The following PIK3C2B variants were observed in gnomAD, a reference collection of about 807,000 sequenced individuals.
PIK3C2B encodes phosphatidylinositol 4-phosphate 3-kinase C2 domain-containing subunit beta.
A neutral mutation model predicts 184.3 loss-of-function variants in PIK3C2B; 83 were observed. That is an observed-to-expected ratio of 0.45 (90% CI 0.38 to 0.54). The LOEUF is 0.54. Among genes scored for constraint, PIK3C2B ranks in the 20% least tolerant of loss-of-function variants. The pLI, the probability that PIK3C2B is intolerant of heterozygous loss-of-function variation, is 0.00. For missense variants in PIK3C2B, 1,736 were observed against 2,113.5 expected (o/e 0.82, Z 3.50); for synonymous variants, 779 against 837.6 (o/e 0.93, Z 1.21).
At chr1:204,431,517 T>G (rs773165589) in intron 28 of PIK3C2B, 152 bp downstream of exon 28, 55 of 905,660 alleles carry the variant, frequency 6.1e-5, no homozygotes, top group Non-Finnish European at 8.9e-5. Flanking sequence ...GGGGGAGCAC[T>G]TGTCATCAAA....
intron 7 of PIK3C2B, 61 bp downstream of exon 7, chr1:204,460,263 T>C: frequency 7.4e-7 from 1 of 1,345,952 alleles, no homozygotes; most frequent in Non-Finnish European, 1.1e-6. Context: ...AGCAGGCACA[T>C]CTGATGGGAT....
At chr1:204,480,128 G>A (rs1022279589) in intron 1 of PIK3C2B, among the ~76,000 whole-genome samples, 7 of 152,218 alleles carry the variant, frequency 4.6e-5, no homozygotes, top group South Asian at 2.1e-4. Flanking sequence ...GATGTACGTC[G>A]GGGTAACTGC....
chr1:204,442,994 A>G (rs1348699277), intron 19 of PIK3C2B, among the ~76,000 whole-genome samples: 1 of 152,246 alleles, frequency 6.6e-6, no homozygotes, highest in African/African-American at 2.4e-5. Flanking sequence ...AATGTCGTTA[A>G]CCAGGAACAC....
Position 204,447,480 on chromosome 1 carries a change from GTCT to G in PIK3C2B, c.2442_2444del (p.Glu814del). ...GCATGATGTCTTTAAGCTTGCGCTG[GTCT>G]TCTTCCCGGAGGCTGCCAAACTCAT... On this transcript the variant is annotated inframe_deletion, in exon 15 of 33. Coordinates refer to ENST00000684373, the MANE Select transcript of PIK3C2B (RefSeq NM_001377334.1). The surrounding 1 kb of genome is among the most constrained non-coding windows in gnomAD (Gnocchi z 4.1). The G allele has an allele frequency of 6.2e-7, 1 of 1,613,640 alleles. No homozygotes were observed. Among genetic ancestry groups the G allele is most frequent in the Non-Finnish European group, 8.5e-7 (1 of 1,179,846 alleles).
At chr1:204,436,664 ATTTT>A (rs969937380) in intron 23 of PIK3C2B, among the ~76,000 whole-genome samples, 1 of 152,178 alleles carries the variant, frequency 6.6e-6, no homozygotes, top group Admixed American at 6.5e-5. Flanking sequence ...CTGTACATTT[ATTTT>A]TATTATATTC....
chr1:204,492,589 G>A (rs1365692408), intron 1 of PIK3C2B, among the ~76,000 whole-genome samples: 1 of 152,144 alleles, frequency 6.6e-6, no homozygotes, highest in African/African-American at 2.4e-5. Flanking sequence ...AGGCCCACGA[G>A]GGTATAGAGT....
intron 8 of PIK3C2B, among the ~76,000 whole-genome samples, chr1:204,458,320 C>T (rs1655037766): frequency 6.6e-6 from 1 of 152,144 alleles, no homozygotes; most frequent in South Asian, 2.1e-4. Flanking sequence ...ATTTAAATCA[C>T]AGAGCAGCTA....
chr1:204,469,631 T>A lies in PIK3C2B; in HGVS notation c.172A>T (p.Ile58Phe). 3 of 1,611,416 alleles carry A rather than the reference T, an allele frequency of 1.9e-6. No individual in the cohort carries two copies. Among genetic ancestry groups the A allele is most frequent in the Non-Finnish European group, 2.5e-6 (3 of 1,178,228 alleles). The change falls in exon 2 of 33, where the codon ATC (isoleucine) becomes TTC (phenylalanine). Residue 58 changes from isoleucine (I) to phenylalanine (F), a missense_variant. Coordinates refer to ENST00000684373, the MANE Select transcript of PIK3C2B (RefSeq NM_001377334.1). ...TCTACCCCAGGCTCATCCCAGCTGA[T>A]GAGAGAGGGGTCTGCGTTCTGCTTG... ...RAKQNADPSL[I>F]SWDEPGVDFY... is the part of the protein sequence containing the mutation.
chr1:204,492,484 A>G (rs562805927), intron 1 of PIK3C2B, among the ~76,000 whole-genome samples: 4 of 152,316 alleles, frequency 2.6e-5, no homozygotes, highest in South Asian at 4.1e-4. Context: ...CCACTGGTCC[A>G]GGCCAGGGCC....
chr1:204,460,232 C>T, intron 7 of PIK3C2B, 92 bp downstream of exon 7: 1 of 1,059,418 alleles, frequency 9.4e-7, no homozygotes, highest in African/African-American at 1.6e-5. Context: ...GCAAGAATCC[C>T]TTAGCCCTGA....
chr1:204,429,853 T>C, intron 29 of PIK3C2B, 68 bp downstream of exon 29: 1 of 1,038,286 alleles, frequency 9.6e-7, no homozygotes, highest in Non-Finnish European at 1.5e-6. Context: ...CTCCGGATGC[T>C]TCCACCTCTG....
chr1:204,440,162 C>G (rs760750075), intron 22 of PIK3C2B, 30 bp downstream of exon 22: 1 of 1,598,894 alleles, frequency 6.3e-7, no homozygotes, highest in Non-Finnish European at 8.5e-7. Flanking sequence ...GCGGTCCCCT[C>G]CTCCACCCTC....
rs370716216 is a variant in PIK3C2B, at chr1:204,438,920, C to T, written c.3516+15G>A. On this transcript the variant is annotated intron_variant, in intron 23 of 32. Coordinates refer to ENST00000684373, the MANE Select transcript of PIK3C2B (RefSeq NM_001377334.1). ...ACACACACACACCAGACGCACTCCCCACCCACAACCCTACCTTCTCATACT... is the reference window on the plus strand; with the variant it reads ...ACACACACACACCAGACGCACTCCCTACCCACAACCCTACCTTCTCATACT... The T allele has an allele frequency of 3.1e-6, 5 of 1,611,600 alleles. No homozygotes were observed. The African/African-American group carries it at 6.7e-5, about 21-fold the overall frequency.
rs550266589 is a variant in PIK3C2B, at chr1:204,436,900, A to G, written c.3516+2035T>C. On this transcript the variant is annotated intron_variant, in intron 23 of 32. Coordinates refer to ENST00000684373, the MANE Select transcript of PIK3C2B (RefSeq NM_001377334.1). ...AAAATCATTACTCCTCTCCAAGGGT[A>G]GAGGGCCTTGAAATGTATAGCATAG... Among the ~76,000 whole-genome samples, 10 of 152,296 alleles carry G rather than the reference A, an allele frequency of 6.6e-5. No individual in the cohort carries two copies. The South Asian group carries it at 2.1e-3, about 32-fold the overall frequency.
chr1:204,449,254 T>C lies in PIK3C2B; in HGVS notation c.2277A>G (p.Ala759=). 6.2e-7 allele frequency: 1 copy of C among 1,613,054 alleles called. No homozygotes were observed. The highest frequency in any genetic ancestry group is 8.5e-7 in the Non-Finnish European group (1 of 1,179,726). Residue 759 remains alanine (A), a synonymous_variant, in exon 14 of 33, where the codon GCA becomes GCG. Transcript: ENST00000684373. ...CGRKLLGLWP[A]TQENPSARWS... ...AACGGGCGCTGGGATTTTCCTGTGT[T>C]GCTGGCCACAAACCCAGAAGCTTCC... is the stretch of plus-strand genomic sequence containing the variant.
intron 7 of PIK3C2B, 90 bp downstream of exon 7, chr1:204,460,234 T>C: frequency 9.4e-7 from 1 of 1,066,970 alleles, no homozygotes; most frequent in Non-Finnish European, 1.4e-6. Flanking sequence ...AAGAATCCCT[T>C]AGCCCTGACA....
intron 8 of PIK3C2B, among the ~76,000 whole-genome samples, chr1:204,458,634 CA>C (rs1311360219): frequency 6.6e-6 from 1 of 152,004 alleles, no homozygotes; most frequent in Non-Finnish European, 1.5e-5. Flanking sequence ...GCTGGGATTA[CA>C]GGCGCCTGCA....
Position 204,432,410 on chromosome 1 carries a change from A to C in PIK3C2B, c.3954-9T>G, listed in dbSNP as rs28561669. On this transcript the variant is annotated splice_polypyrimidine_tract_variant and intron_variant, in intron 26 of 32. Transcript: ENST00000684373. Reference sequence around the variant, plus strand: ...GGCTGGACTCAATCAACCTGGCAGGAGGATAAGAAAAGAGGATATAACCAT... The same window carrying C: ...GGCTGGACTCAATCAACCTGGCAGGCGGATAAGAAAAGAGGATATAACCAT... The C allele has an allele frequency of 6.8e-6, 11 of 1,613,064 alleles. No individual in the cohort carries two copies. In the South Asian group the frequency reaches 1.2e-4, roughly 18 times the overall value.
chr1:204,425,534 G>A (rs904840951), intron 32 of PIK3C2B, 79 bp downstream of exon 32: 16 of 1,467,270 alleles, frequency 1.1e-5, no homozygotes, highest in South Asian at 2.3e-5. Flanking sequence ...ATCTTAATAC[G>A]TTCTTCAATA....
Sources: gnomAD v4.1 joint callset for allele counts (sites outside exome capture counted in the v4.1 genomes callset) on GRCh38, gnomAD v4.1.1 for gene constraint, Gnocchi (gnomAD v3.1) non-coding constraint, MANE v1.5 for transcripts, NCBI Gene and HGNC (gene_info 2026-07-23, HGNC 2026-07-21) for gene names.